Variants in RAP1A observed in about 807,000 individuals in gnomAD.
The protein encoded by RAP1A is ras-related protein Rap-1A.
In RAP1A, 6 loss-of-function variants were observed where a neutral mutation model predicts 26.4. The observed-to-expected ratio is 0.23, with a 90% CI of 0.12 to 0.45. The LOEUF (loss-of-function observed/expected upper bound fraction) is 0.45. RAP1A is among the 20% of genes least tolerant of loss of function. The probability of loss-of-function intolerance (pLI) is 0.99; values close to 1 mark genes in which losing one functional copy is unlikely to be tolerated. For synonymous variants in RAP1A, 73 were observed against 79.4 expected (o/e 0.92, Z 0.43); for missense variants, 121 against 217.2 (o/e 0.56, Z 2.78).
intron 1 of RAP1A, among the ~76,000 whole-genome samples, chr1:111,662,251 C>T (rs1466099083): frequency 2.0e-5 from 3 of 151,830 alleles, no homozygotes; most frequent in African/African-American, 4.8e-5. Context: ...AAAAATTAGC[C>T]GGGCGTGATG....
upstream of RAP1A, among the ~76,000 whole-genome samples, chr1:111,617,513 A>G (rs1659037171): frequency 6.6e-6 from 1 of 152,084 alleles, no homozygotes; most frequent in South Asian, 2.1e-4. Context: ...GCTCACTGCA[A>G]GTTCCGCCTT....
At chr1:111,599,006 T>C (rs1658615793) in intron 1 of RAP1A, among the ~76,000 whole-genome samples, 1 of 152,018 alleles carries the variant, frequency 6.6e-6, no homozygotes, top group African/African-American at 2.4e-5. Flanking sequence ...TTATAAAGGA[T>C]ATTACCAAGC....
intron 1 of RAP1A, among the ~76,000 whole-genome samples, chr1:111,565,760 T>C (rs1358048986): frequency 6.6e-6 from 1 of 152,228 alleles, no homozygotes; most frequent in African/African-American, 2.4e-5. Flanking sequence ...GTTTTGTTAG[T>C]GCTCATGTAC....
intron 1 of RAP1A, among the ~76,000 whole-genome samples, chr1:111,573,057 T>C (rs956190418): frequency 1.3e-5 from 2 of 152,264 alleles, no homozygotes; most frequent in Admixed American, 6.5e-5. Flanking sequence ...GCTCCATCCA[T>C]GTTCCTGCAA....
At chr1:111,645,174 C>T (rs1452782762) in intron 1 of RAP1A, among the ~76,000 whole-genome samples, 1 of 152,094 alleles carries the variant, frequency 6.6e-6, no homozygotes, top group Non-Finnish European at 1.5e-5. Context: ...AGAACTAGCT[C>T]GACTGTTGAT....
At chr1:111,593,053 C>A (rs992956579) in intron 1 of RAP1A, among the ~76,000 whole-genome samples, 1 of 151,902 alleles carries the variant, frequency 6.6e-6, no homozygotes, top group Non-Finnish European at 1.5e-5. Context: ...AGCAAGTTGG[C>A]AGAGGTGGCT....
chr1:111,563,208 G>A (rs931607162), intron 1 of RAP1A, among the ~76,000 whole-genome samples: 1 of 152,114 alleles, frequency 6.6e-6, no homozygotes, highest in Non-Finnish European at 1.5e-5. Context: ...CCAGGAGGTT[G>A]AGGCCACGAT....
At chr1:111,643,909 G>T (rs986198044) in intron 1 of RAP1A, among the ~76,000 whole-genome samples, 6 of 152,182 alleles carry the variant, frequency 3.9e-5, no homozygotes, top group African/African-American at 1.4e-4. Flanking sequence ...AATCTATATG[G>T]CAGGCCAACA....
intron 1 of RAP1A, among the ~76,000 whole-genome samples, chr1:111,670,415 A>C (rs1398472527): frequency 6.6e-6 from 1 of 152,152 alleles, no homozygotes; most frequent in Non-Finnish European, 1.5e-5. Flanking sequence ...CGGAGGTTAC[A>C]GTGAGCCAAG....
intron 1 of RAP1A, among the ~76,000 whole-genome samples, chr1:111,629,003 G>C (rs574726953): frequency 6.6e-6 from 1 of 152,002 alleles, no homozygotes; most frequent in African/African-American, 2.4e-5. Context: ...GGATATCCTC[G>C]CTTTTAGACT....
At chr1:111,673,694 A>C (rs1431595509) in intron 1 of RAP1A, among the ~76,000 whole-genome samples, 3 of 152,228 alleles carry the variant, frequency 2.0e-5, no homozygotes, top group African/African-American at 4.8e-5. Context: ...GCAGGGCACA[A>C]GAGATTTCCA....
At chr1:111,589,945 T>A (rs74465989) in intron 1 of RAP1A, among the ~76,000 whole-genome samples, 1 of 152,088 alleles carries the variant, frequency 6.6e-6, no homozygotes, top group East Asian at 1.9e-4. Flanking sequence ...TTTGTTTTTG[T>A]TTTTTGTAGA....
At chr1:111,625,070 C>T (rs116782165) in intron 1 of RAP1A, among the ~76,000 whole-genome samples, 2,046 of 151,788 alleles carry the variant, frequency 0.013, 43 homozygotes, top group African/African-American at 0.047. Context: ...TTTTAGTGTC[C>T]GAATGTATTT....
chr1:111,637,884 A>G (rs915734696), intron 1 of RAP1A, among the ~76,000 whole-genome samples: 2 of 152,038 alleles, frequency 1.3e-5, no homozygotes, highest in Non-Finnish European at 2.9e-5. Flanking sequence ...TTTTCCATGC[A>G]TCCTTAATTA....
At chr1:111,625,175 C>T (rs1175860584) in intron 1 of RAP1A, among the ~76,000 whole-genome samples, 1 of 152,144 alleles carries the variant, frequency 6.6e-6, no homozygotes, top group Non-Finnish European at 1.5e-5. Flanking sequence ...AGTGCCTTAC[C>T]TTGAACACCT....
At chr1:111,661,737 T>C (rs1191448498) in intron 1 of RAP1A, among the ~76,000 whole-genome samples, 1 of 150,114 alleles carries the variant, frequency 6.7e-6, no homozygotes, top group African/African-American at 2.5e-5. Flanking sequence ...AGGCGGAGCT[T>C]GCAGTGAGCC....
chr1:111,619,735 A>G (rs1311791340), upstream of RAP1A: 7 of 394,004 alleles, frequency 1.8e-5, 1 homozygote, highest in South Asian at 6.5e-4. Context: ...GGCGGGGCAG[A>G]ACCAGGGGGC....
At chr1:111,585,442 C>G (rs1421194871) in intron 1 of RAP1A, among the ~76,000 whole-genome samples, 1 of 150,564 alleles carries the variant, frequency 6.6e-6, no homozygotes, top group African/African-American at 2.4e-5. Context: ...AGCATGTTGT[C>G]AAAGATTAGT....
rs1318970496 is a variant in RAP1A, at chr1:111,653,894, A to G, written c.-28+33960A>G. Among the ~76,000 whole-genome samples, 3 of 152,162 alleles carry G rather than the reference A, an allele frequency of 2.0e-5. No homozygotes were observed. The East Asian group carries it at 5.8e-4, about 29-fold the overall frequency. On this transcript the variant is annotated intron_variant, in intron 1 of 7. Transcript: ENST00000369709. The stretch of plus-strand genomic sequence containing the variant: ...AAAGGCACAGAGGATTTGGATAGAT[A>G]GAGGAAGTGGTTAAGGCATTACTTA...
Sources: gnomAD v4.1 joint callset for allele counts (sites outside exome capture counted in the v4.1 genomes callset) on GRCh38, gnomAD v4.1.1 for gene constraint, MANE v1.5 for transcripts, NCBI Gene and HGNC (gene_info 2026-07-23, HGNC 2026-07-21) for gene names.